ZNF433: variants seen among roughly 807,000 people sequenced by gnomAD.
ZNF433 encodes the protein zinc finger protein 433.
In ZNF433, 12 loss-of-function variants were observed where a neutral mutation model predicts 10.6. The observed-to-expected ratio is 1.13, with a 90% confidence interval of 0.72 to 1.83. The LOEUF (loss-of-function observed/expected upper bound fraction) is 1.83, where lower values mean the gene tolerates loss of function less well. Among genes scored for constraint, ZNF433 ranks in the 40% most tolerant of loss-of-function variants. The probability of loss-of-function intolerance (pLI) is 0.00; values close to 1 mark genes in which losing one functional copy is unlikely to be tolerated. For missense variants in ZNF433, 737 were observed against 798.0 expected, an observed-to-expected ratio of 0.92 and a Z score of 0.92; for synonymous variants, 272 against 271.3, an observed-to-expected ratio of 1.00 and a Z score of -0.02.
chr19:12,035,659 C>T lies in ZNF433; in HGVS notation c.-120G>A. ...AGCCAGGCTCCCAACCTCAGCTCGCCGCCTGGAGCCGGGAACCGAGGAGAG... is the reference window on the plus strand; with the variant it reads ...AGCCAGGCTCCCAACCTCAGCTCGCTGCCTGGAGCCGGGAACCGAGGAGAG... On this transcript the variant is annotated 5_prime_UTR_variant, in exon 1 of 4. Transcript: ENST00000550507. 8 of 1,393,244 alleles carry T rather than the reference C, an allele frequency of 5.7e-6. No individual in the cohort carries two copies. The highest frequency in any genetic ancestry group is 7.8e-6 in the Non-Finnish European group (8 of 1,024,942). 86.3% of individuals were successfully genotyped at this position (1,393,244 alleles called of 1,614,324 possible).
At position 12,031,174 on chromosome 19, in the gene ZNF433, T is replaced by C. The variant is rs369684845; in HGVS notation, c.3+4363A>G. Among the ~76,000 whole-genome samples the C allele has an allele frequency of 2.8e-4, 43 of 152,076 alleles. 4 individuals are homozygous for C. In the East Asian group the frequency reaches 5.2e-3, roughly 18 times the overall value. ...AGCTGGATGTGGTAGTGCGTGCCTG[T>C]AGTCCCAGCTACTTGGGAGGCTGAG... On this transcript the variant is annotated intron_variant, in intron 1 of 3. Coordinates refer to ENST00000550507, the MANE Select transcript of ZNF433 (RefSeq NM_001308348.2).
At position 12,035,621 on chromosome 19, in the gene ZNF433, T is replaced by C. The variant is rs1975257592; in HGVS notation, c.-82A>G. ...AGCTATGGCAGAGGCACCTGAACCC[T>C]CTCGGAGGGGAAAGCCAGGCTCCCA... On this transcript the variant is annotated 5_prime_UTR_variant, in exon 1 of 4. Coordinates refer to ENST00000550507, the MANE Select transcript of ZNF433 (RefSeq NM_001308348.2). The C allele has an allele frequency of 6.6e-7, 1 of 1,524,660 alleles. No homozygotes were observed. Among genetic ancestry groups the C allele is most frequent in the Non-Finnish European group, 8.8e-7 (1 of 1,130,452 alleles). 94.4% of individuals were successfully genotyped at this position (1,524,660 alleles called of 1,614,324 possible). A position where few individuals can be genotyped will look rare whatever the true frequency, so the allele number is the denominator to read the frequency against.
chr19:12,028,133 C>A (rs1974828788), intron 1 of ZNF433: 2 of 151,996 alleles, frequency 1.3e-5, no homozygotes, highest in Admixed American at 6.6e-5. Flanking sequence ...GCTTCAATCA[C>A]CTGGGCTCAA....
At chr19:12,026,410 G>T in intron 1 of ZNF433, 1 of 289,640 alleles carries the variant, frequency 3.5e-6, no homozygotes. Flanking sequence ...TGAGAAAAGC[G>T]GGACAACCAG....
At position 12,035,674 on chromosome 19, in the gene ZNF433, A is replaced by C; in HGVS notation, c.-135T>G. 7.8e-7 allele frequency: 1 copy of C among 1,274,794 alleles called. No individual in the cohort carries two copies. The highest frequency in any genetic ancestry group is 1.9e-4 in the Middle Eastern group (1 of 5,190). The allele number at this position is 1,274,794 out of a possible 1,614,324, so 79.0% of individuals were successfully genotyped here. A position where few individuals can be genotyped will look rare whatever the true frequency, so the allele number is the denominator to read the frequency against. ...CTCAGCTCGCCGCCTGGAGCCGGGA[A>C]CCGAGGAGAGCAGGGCCTTCGCCCT... On this transcript the variant is annotated 5_prime_UTR_variant, in exon 1 of 4. Coordinates refer to ENST00000550507, the MANE Select transcript of ZNF433 (RefSeq NM_001308348.2).
intron 1 of ZNF433, chr19:12,024,026 T>TA (rs1251428060): frequency 9.2e-5 from 14 of 152,128 alleles, no homozygotes; most frequent in Admixed American, 3.3e-4. Context: ...TTAAAATGGT[T>TA]AACAGATAAG....
rs144925474 is a variant in ZNF433, at chr19:12,016,313, A to G, written c.545T>C (p.Leu182Pro). ...CGKTFISHSNLQRHRIMHRGD... is the reference protein window; with the variant it reads ...CGKTFISHSNPQRHRIMHRGD... Reference sequence around the variant, plus strand: ...ACGGTGCATTATCCTGTGTCTTTGAAGGTTTGAATGGGAAATAAATGTTTT... The same window carrying G: ...ACGGTGCATTATCCTGTGTCTTTGAGGGTTTGAATGGGAAATAAATGTTTT... Residue 182 changes from leucine (L) to proline (P), a missense_variant, in exon 4 of 4, where the codon CTT (leucine) becomes CCT (proline). Coordinates refer to ENST00000550507, the MANE Select transcript of ZNF433 (RefSeq NM_001308348.2). 8.5e-5 allele frequency: 137 copies of G among 1,614,240 alleles called. No homozygotes were observed. The East Asian group carries it at 3.0e-3, about 35-fold the overall frequency.
Position 12,029,995 on chromosome 19 carries a change from T to C in ZNF433, c.3+5542A>G, listed in dbSNP as rs552652489. On this transcript the variant is annotated intron_variant, in intron 1 of 3. Coordinates refer to ENST00000550507, the MANE Select transcript of ZNF433 (RefSeq NM_001308348.2). ...TACTCGGAAGGCTGAGGCAGGAGAA[T>C]TGCTTGAATCCCAGAGGCAGAGGTT... 9 of 213,568 alleles carry C rather than the reference T, an allele frequency of 4.2e-5. No individual in the cohort carries two copies. In the South Asian group the frequency reaches 4.3e-4, roughly 10 times the overall value. 13.2% of individuals were successfully genotyped at this position (213,568 alleles called of 1,614,324 possible). A position where few individuals can be genotyped will look rare whatever the true frequency, so the allele number is the denominator to read the frequency against.
chr19:12,035,335 G>T (rs1398676760), intron 1 of ZNF433, among the ~76,000 whole-genome samples: 1 of 152,192 alleles, frequency 6.6e-6, no homozygotes, highest in Non-Finnish European at 1.5e-5. Flanking sequence ...CACCGCGCAG[G>T]GACAGGACGA....
intron 1 of ZNF433, chr19:12,018,696 T>C (rs1300256353): frequency 1.3e-5 from 2 of 155,020 alleles, no homozygotes; most frequent in Non-Finnish European, 2.9e-5. Context: ...GTTTAACCTT[T>C]GATGTTATCT....
At position 12,015,868 on chromosome 19, in the gene ZNF433, A is replaced by G; in HGVS notation, c.990T>C (p.Ser330=). 2 of 1,613,738 alleles carry G rather than the reference A, an allele frequency of 1.2e-6. No individual in the cohort carries two copies. The highest frequency in any genetic ancestry group is 1.7e-6 in the Non-Finnish European group (2 of 1,179,926). Residue 330 remains serine (S), a synonymous_variant, in exon 4 of 4, where the codon TCT becomes TCC. Coordinates refer to ENST00000550507, the MANE Select transcript of ZNF433 (RefSeq NM_001308348.2). ...SSVRRHERTH[S]RKKPYECKHC... ...GTTTACATTCATAGGGTTTTTTCCTAGAGTGGGTTCTTTCATGTCTGCGAA... is the reference window on the plus strand; with the variant it reads ...GTTTACATTCATAGGGTTTTTTCCTGGAGTGGGTTCTTTCATGTCTGCGAA...
In ZNF433 at chr19:12,016,116, C is replaced by A; in HGVS notation, c.742G>T (p.Glu248Ter). 1 of 1,614,118 alleles carries A rather than the reference C, an allele frequency of 6.2e-7. No homozygotes were observed. Among genetic ancestry groups the A allele is most frequent in the Non-Finnish European group, 8.5e-7 (1 of 1,180,028 alleles). ...CATTCATTACATTTATAAGGCTTCT[C>A]CCCAGTGTGAGTTCTTTCATGTATT... The part of the protein sequence containing the change: ...LRIHERTHTG[E>*]KPYKCNECGK... The change falls in exon 4 of 4, where the codon GAG becomes TAG. Residue 248 changes from glutamate (E) to a stop codon, truncating the protein, a stop_gained. Coordinates refer to ENST00000550507, the MANE Select transcript of ZNF433 (RefSeq NM_001308348.2). LOFTEE classifies it low-confidence loss of function (END_TRUNC).
intron 1 of ZNF433, chr19:12,034,830 CT>C (rs61369780): frequency 0.081 from 36,918 of 453,910 alleles, 4,699 homozygotes; most frequent in African/African-American, 0.41. Context: ...GAACTTACAC[CT>C]TTCCAGGCAT....
chr19:12,030,081 C>CAA (rs74180055), intron 1 of ZNF433: 4,185 of 203,618 alleles, frequency 0.021, 34 homozygotes, highest in African/African-American at 0.039. Flanking sequence ...GACTCCATCT[C>CAA]AAAAAAAAAA....
chr19:12,033,332 A>G (rs2145492681), intron 1 of ZNF433, among the ~76,000 whole-genome samples: 1 of 152,210 alleles, frequency 6.6e-6, no homozygotes. Context: ...CCTGGCCTCA[A>G]GTGATCTACC....
In ZNF433 at chr19:12,015,771, G is replaced by A. The variant is rs904172004; in HGVS notation, c.1087C>T (p.His363Tyr). ...HLGMHTGEISHKCKICGKAFY... is the reference protein window; with the variant it reads ...HLGMHTGEISYKCKICGKAFY... ...GCTTTCCCACATATCTTACATTTAT[G>A]AGATATCTCTCCAGTGTGCATTCCC... The change falls in exon 4 of 4, where the codon CAT becomes TAT. Residue 363 changes from histidine (H) to tyrosine (Y), a missense_variant. His to Tyr is a moderately conservative substitution (Grantham distance 83). Transcript: ENST00000550507. The A allele has an allele frequency of 6.2e-7, 1 of 1,613,464 alleles. No homozygotes were observed. The highest frequency in any genetic ancestry group is 8.5e-7 in the Non-Finnish European group (1 of 1,179,822).
In ZNF433 at chr19:12,029,974, C is replaced by T. The variant is rs144788674; in HGVS notation, c.3+5563G>A. Among the ~76,000 whole-genome samples, 321 of 148,504 alleles carry T rather than the reference C, an allele frequency of 2.2e-3. 3 individuals carry two copies. Among genetic ancestry groups the T allele is most frequent in the African/African-American group, 7.5e-3 (300 of 40,266 alleles). On this transcript the variant is annotated intron_variant, in intron 1 of 3. Coordinates refer to ENST00000550507, the MANE Select transcript of ZNF433 (RefSeq NM_001308348.2). ...GCAGGCACCTGTAATCCCAGCTACT[C>T]GGAAGGCTGAGGCAGGAGAATTGCT...
chr19:12,018,193 C>A lies in ZNF433; in HGVS notation c.103G>T (p.Glu35Ter). 2 of 1,605,590 alleles carry A rather than the reference C, an allele frequency of 1.2e-6. No individual in the cohort carries two copies. Among genetic ancestry groups the A allele is most frequent in the Non-Finnish European group, 1.7e-6 (2 of 1,177,398 alleles). ...ATAGAGGCCAGGTTCCTGAAGGTTT[C>A]TTGCATCACATCTCTACAGAGATTT... ...QKNLCRDVMQETFRNLASIGK... is the reference protein window; with the variant it reads ...QKNLCRDVMQ The change falls in exon 2 of 4, where the codon GAA becomes TAA. Residue 35 changes from glutamate (E) to a stop codon, truncating the protein, a stop_gained. Coordinates refer to ENST00000550507, the MANE Select transcript of ZNF433 (RefSeq NM_001308348.2). LOFTEE classifies it high-confidence loss of function.
intron 3 of ZNF433, among the ~76,000 whole-genome samples, 200 bp downstream of exon 3, chr19:12,017,676 T>C (rs1465017804): frequency 6.6e-6 from 1 of 152,104 alleles, no homozygotes; most frequent in East Asian, 1.9e-4. Context: ...AGCCTGAACC[T>C]CCCAAAGGGC....
Sources: gnomAD v4.1 joint callset for allele counts (sites outside exome capture counted in the v4.1 genomes callset) on GRCh38, gnomAD v4.1.1 for gene constraint, MANE v1.5 for transcripts, NCBI Gene and HGNC (gene_info 2026-07-23, HGNC 2026-07-21) for gene names.